Variants in RANBP2 observed in about 807,000 individuals in gnomAD.
RANBP2 encodes the protein RAN binding protein 2, also known as E3 SUMO-protein ligase RanBP2.
Under a neutral mutation model 303.6 loss-of-function variants are expected in RANBP2, and 57 were observed. That is an observed-to-expected ratio of 0.19 (90% CI 0.15 to 0.23). The LOEUF (loss-of-function observed/expected upper bound fraction) is 0.23. RANBP2 is among the 10% of genes least tolerant of loss of function. The pLI is 1.00. For synonymous variants in RANBP2, 1,167 were observed against 1,301.5 expected (o/e 0.90, Z 2.23); for missense variants, 3,138 against 3,780.8 (o/e 0.83, Z 4.46).
chr2:108,942,579 C>G, the RANBP2 span, among the ~76,000 whole-genome samples: 1 of 152,286 alleles, frequency 6.6e-6, no homozygotes, highest in Non-Finnish European at 1.5e-5. Context: ...ATAAATGGTG[C>G]CTTCATTTTG....
chr2:109,065,764 A>G, the RANBP2 span, among the ~76,000 whole-genome samples: 3 of 152,208 alleles, frequency 2.0e-5, no homozygotes, highest in Non-Finnish European at 4.4e-5. Context: ...GGAAGAGCCT[A>G]TCAGTGGAGT....
At chr2:108,780,226 TCTGTCACC>T (rs1392298563) in intron 25 of RANBP2, among the ~76,000 whole-genome samples, 5 of 147,980 alleles carry the variant, frequency 3.4e-5, no homozygotes, top group Non-Finnish European at 7.5e-5. Flanking sequence ...AGAGTCTTGC[TCTGTCACC>T]CAGGCTGGAG....
At chr2:109,670,463 C>CGAGGCA in the RANBP2 span, among the ~76,000 whole-genome samples, 1 of 148,866 alleles carries the variant, frequency 6.7e-6, no homozygotes, top group Admixed American at 6.7e-5. Context: ...CACAACTGCC[C>CGAGGCA]GAGGCAGATG....
At chr2:109,552,885 T>TA in the RANBP2 span, 578 of 543,044 alleles carry the variant, frequency 1.1e-3, no homozygotes, top group Middle Eastern at 1.5e-3. Context: ...TGTACTGCTT[T>TA]AAAAAAAAAG....
the RANBP2 span, among the ~76,000 whole-genome samples, chr2:109,560,883 T>C: frequency 5.9e-5 from 9 of 152,332 alleles, no homozygotes; most frequent in South Asian, 1.9e-3. Context: ...CAATTTTACC[T>C]TCTAGTCATC....
At chr2:109,301,736 A>G in the RANBP2 span, among the ~76,000 whole-genome samples, 1 of 152,006 alleles carries the variant, frequency 6.6e-6, no homozygotes, top group Non-Finnish European at 1.5e-5. Flanking sequence ...ATTCCCATGT[A>G]TTTGCTAAGC....
the RANBP2 span, among the ~76,000 whole-genome samples, chr2:109,090,326 A>C: frequency 7.1e-6 from 1 of 141,074 alleles, no homozygotes; most frequent in Non-Finnish European, 1.6e-5. Flanking sequence ...ACACACACAC[A>C]CACACACACA....
chr2:109,001,069 G>C, the RANBP2 span, among the ~76,000 whole-genome samples: 3 of 152,214 alleles, frequency 2.0e-5, no homozygotes, highest in African/African-American at 7.2e-5. Context: ...GTTTGGTTCT[G>C]ATAACTTTCT....
chr2:109,513,499 C>CATGTACACA, the RANBP2 span, among the ~76,000 whole-genome samples: 38 of 134,302 alleles, frequency 2.8e-4, no homozygotes, highest in African/African-American at 1.1e-3. Context: ...TGTACACACA[C>CATGTACACA]CACATGTACA....
the RANBP2 span, among the ~76,000 whole-genome samples, chr2:109,351,100 G>A: frequency 3.2e-4 from 48 of 152,198 alleles, no homozygotes; most frequent in Non-Finnish European, 5.6e-4. Context: ...GCTTTAAAAA[G>A]TGATATTTTA....
At chr2:109,013,833 T>C in the RANBP2 span, among the ~76,000 whole-genome samples, 1 of 152,164 alleles carries the variant, frequency 6.6e-6, no homozygotes, top group South Asian at 2.1e-4. Context: ...CACCTCAGCC[T>C]CCCAAAGTGC....
chr2:108,722,496 G>A (rs1227880207), intron 1 of RANBP2, among the ~76,000 whole-genome samples: 1 of 151,742 alleles, frequency 6.6e-6, no homozygotes. Flanking sequence ...CTGGCCATCT[G>A]TGAACTGCCC....
At chr2:109,256,368 T>C in the RANBP2 span, among the ~76,000 whole-genome samples, 1 of 152,178 alleles carries the variant, frequency 6.6e-6, no homozygotes, top group Non-Finnish European at 1.5e-5. Flanking sequence ...GTTGACAGTG[T>C]GTCATTAGGG....
the RANBP2 span, among the ~76,000 whole-genome samples, chr2:109,090,264 G>T: frequency 2.0e-5 from 3 of 148,984 alleles, no homozygotes; most frequent in Non-Finnish European, 4.4e-5. Flanking sequence ...AGTGTTCCAG[G>T]GTTGGTTCCT....
chr2:109,765,690 T>G, the RANBP2 span, among the ~76,000 whole-genome samples: 1 of 150,360 alleles, frequency 6.7e-6, no homozygotes. Context: ...GGGAATAAAG[T>G]GTGGATCTTG....
At chr2:109,240,030 T>C in the RANBP2 span, among the ~76,000 whole-genome samples, 24,327 of 152,174 alleles carry the variant, frequency 0.16, 3,829 homozygotes, top group African/African-American at 0.4. Flanking sequence ...TTGTCTGTAG[T>C]GGTGGCCGGG....
At chr2:109,615,626 C>A in the RANBP2 span, 14 of 1,613,630 alleles carry the variant, frequency 8.7e-6, no homozygotes, top group Non-Finnish European at 1.2e-5. Flanking sequence ...AAAAGGCCTC[C>A]CAGTACCTGA....
chr2:108,910,855 G>A, the RANBP2 span: 8 of 1,614,008 alleles, frequency 5.0e-6, no homozygotes, highest in Non-Finnish European at 1.7e-6. Context: ...AACAGGCTGG[G>A]GAGAGAGGAG....
At chr2:109,066,516 G>A in the RANBP2 span, among the ~76,000 whole-genome samples, 29 of 152,216 alleles carry the variant, frequency 1.9e-4, 1 homozygote, top group South Asian at 5.6e-3. Context: ...CAGTGTTGTG[G>A]GGGGTGCCCT....
Sources: allele counts gnomAD v4.1 joint callset (sites outside exome capture counted in the v4.1 genomes callset), GRCh38; gene constraint gnomAD v4.1.1; transcripts MANE v1.5; gene names NCBI Gene and HGNC (gene_info 2026-07-23, HGNC 2026-07-21).